CNBD1: variants seen among roughly 807,000 people sequenced by gnomAD.
CNBD1 encodes the protein cyclic nucleotide-binding domain-containing protein 1.
Under a neutral mutation model 54.4 loss-of-function variants are expected in CNBD1, and 71 were observed. The observed-to-expected ratio is 1.30, with a 90% confidence interval of 1.08 to 1.59. CNBD1 has a LOEUF of 1.59. Ranked by LOEUF, CNBD1 falls within the 40% of genes most tolerant of loss-of-function variation. The pLI, the probability that CNBD1 is intolerant of heterozygous loss-of-function variation, is 0.00. For synonymous variants in CNBD1, 182 were observed against 170.7 expected, an observed-to-expected ratio of 1.07 and a Z score of -0.51; for missense variants, 659 against 518.0, an observed-to-expected ratio of 1.27 and a Z score of -2.64.
chr8:87,074,842 G>C (rs974888934), intron 4 of CNBD1, among the ~76,000 whole-genome samples: 2 of 152,198 alleles, frequency 1.3e-5, no homozygotes, highest in African/African-American at 4.8e-5. Flanking sequence ...CTCTCCATGA[G>C]TGCCACAGAC....
chr8:87,222,700 C>A (rs1409908326), intron 5 of CNBD1, among the ~76,000 whole-genome samples: 1 of 152,180 alleles, frequency 6.6e-6, no homozygotes, highest in South Asian at 2.1e-4. Flanking sequence ...GATTCACAAT[C>A]ATGTTTGCTT....
intron 6 of CNBD1, among the ~76,000 whole-genome samples, chr8:87,283,391 A>T (rs1336220900): frequency 1.3e-5 from 2 of 151,768 alleles, no homozygotes; most frequent in East Asian, 3.9e-4. Context: ...TGTGGCTTGT[A>T]ATTTTTTTTA....
chr8:87,415,754 G>A lies in CNBD1; in HGVS notation c.214-12792G>A, dbSNP rs137878734. ...CTTTCATAAAGGACTATGTTATTTA[G>A]ATAAACCTCCTGCTTAAAAAGCTGT... On this transcript the variant is annotated intron_variant, in intron 2 of 7. Coordinates refer to the CNBD1 transcript ENST00000521593. Among the ~76,000 whole-genome samples the A allele has an allele frequency of 6.9e-3, 1,045 of 151,362 alleles. 11 individuals are homozygous for A. The highest frequency in any genetic ancestry group is 0.024 in the African/African-American group (983 of 41,264).
Position 87,382,601 on chromosome 8 carries a change from G to GT in CNBD1, c.1304-16dup. On this transcript the variant is annotated intron_variant, in intron 10 of 10. Coordinates refer to ENST00000518476, the MANE Select transcript of CNBD1 (RefSeq NM_173538.3). Reference sequence around the variant, plus strand: ...GTATTTATTATGTAACTTCTTGTTTGTTTGTTTGCCTTTTGCAGTGGCCTA... The same window carrying GT: ...GTATTTATTATGTAACTTCTTGTTTGTTTTGTTTGCCTTTTGCAGTGGCCTA... 1 of 1,535,296 alleles carries GT rather than the reference G, an allele frequency of 6.5e-7. No individual in the cohort carries two copies. The highest frequency in any genetic ancestry group is 8.8e-7 in the Non-Finnish European group (1 of 1,134,062).
chr8:87,319,946 C>G (rs944917047), intron 8 of CNBD1, among the ~76,000 whole-genome samples: 2 of 151,992 alleles, frequency 1.3e-5, no homozygotes, highest in Non-Finnish European at 2.9e-5. Context: ...CTTTTCCCGT[C>G]TCTTTTTGAG....
intron 4 of CNBD1, among the ~76,000 whole-genome samples, chr8:87,152,209 G>C (rs1384836191): frequency 1.3e-5 from 2 of 152,028 alleles, no homozygotes; most frequent in African/African-American, 4.8e-5. Context: ...GTTGACTATG[G>C]TATTGATGGA....
At chr8:87,014,127 T>C (rs762303685) in intron 4 of CNBD1, among the ~76,000 whole-genome samples, 1 of 151,744 alleles carries the variant, frequency 6.6e-6, no homozygotes, top group Non-Finnish European at 1.5e-5. Context: ...AAAAAAGCAC[T>C]CAAATCAAAT....
rs370660033 is a variant in CNBD1, at chr8:87,233,632, T to TTC, written c.578-3272_578-3271dup. 2.9e-4 allele frequency among the ~76,000 whole-genome samples: 44 copies of TTC among 151,490 alleles called. 1 individual carries two copies. Among genetic ancestry groups the TTC allele is most frequent in the African/African-American group, 8.9e-4 (37 of 41,344 alleles). ...TGAAGATATGGGTGGTTGCAGCAAA[T>TTC]TCTCTCTCTCTCTCTCCTTTTAGAG... On this transcript the variant is annotated intron_variant, in intron 5 of 10. Coordinates refer to ENST00000518476, the MANE Select transcript of CNBD1 (RefSeq NM_173538.3).
At chr8:87,407,303 G>T (rs1418953672) in intron 2 of CNBD1, among the ~76,000 whole-genome samples, 1 of 151,834 alleles carries the variant, frequency 6.6e-6, no homozygotes. Flanking sequence ...CCACTTTTGT[G>T]TTTTCAAGAT....
At chr8:87,027,919 C>G (rs979310995) in intron 4 of CNBD1, among the ~76,000 whole-genome samples, 3 of 152,114 alleles carry the variant, frequency 2.0e-5, no homozygotes, top group Non-Finnish European at 2.9e-5. Context: ...GGTATGCTTC[C>G]TCTCTCTCTC....
chr8:87,091,139 CAAA>C (rs751329879), intron 4 of CNBD1, among the ~76,000 whole-genome samples: 5 of 74,038 alleles, frequency 6.8e-5, no homozygotes, highest in African/African-American at 9.9e-5. Flanking sequence ...GACTCTGTCT[CAAA>C]AAAAAAAAAA....
At chr8:87,313,739 A>G (rs1383534776) in intron 8 of CNBD1, among the ~76,000 whole-genome samples, 2 of 151,854 alleles carry the variant, frequency 1.3e-5, no homozygotes, top group Non-Finnish European at 2.9e-5. Flanking sequence ...TTTTACAATT[A>G]CTTGTTCTTA....
intron 4 of CNBD1, among the ~76,000 whole-genome samples, chr8:87,190,010 A>T (rs1447943808): frequency 6.6e-6 from 1 of 152,232 alleles, no homozygotes; most frequent in Non-Finnish European, 1.5e-5. Flanking sequence ...TCACATTTTT[A>T]ACAGTTTTAA....
intron 4 of CNBD1, among the ~76,000 whole-genome samples, chr8:87,204,347 G>C (rs899268006): frequency 3.9e-5 from 6 of 152,068 alleles, no homozygotes; most frequent in Non-Finnish European, 8.8e-5. Context: ...GCTACTTTAA[G>C]GCCTTCTGAA....
chr8:87,184,492 C>T (rs1245041740), intron 4 of CNBD1, among the ~76,000 whole-genome samples: 1 of 152,200 alleles, frequency 6.6e-6, no homozygotes, highest in African/African-American at 2.4e-5. Flanking sequence ...GCCAAACCCT[C>T]TGGGCTTCAT....
In CNBD1 at chr8:86,979,415, AAAAAAAAAAAAAAG is replaced by A. The variant is rs1304995991; in HGVS notation, c.431+39662_431+39675del. On this transcript the variant is annotated intron_variant, in intron 4 of 10. Transcript: ENST00000518476. Reference sequence around the variant, plus strand: ...AAATCATCTCTACAAAAAAAAAAAAAAAAAAAAAAAAAAGGCAAAAACAATTTAGCCTGCCATGG... The same window carrying A: ...AAATCATCTCTACAAAAAAAAAAAAAGCAAAAACAATTTAGCCTGCCATGG... Among the ~76,000 whole-genome samples the A allele has an allele frequency of 4.1e-3, 609 of 146,818 alleles. 20 individuals carry two copies. The highest frequency in any genetic ancestry group is 0.015 in the African/African-American group (584 of 40,156).
At chr8:87,363,430 T>C (rs1373669797) in intron 10 of CNBD1, among the ~76,000 whole-genome samples, 1 of 152,148 alleles carries the variant, frequency 6.6e-6, no homozygotes, top group African/African-American at 2.4e-5. Context: ...CACACTGTCT[T>C]CCACAATGGT....
intron 4 of CNBD1, among the ~76,000 whole-genome samples, chr8:87,025,714 A>G (rs1477042510): frequency 6.6e-6 from 1 of 152,214 alleles, no homozygotes; most frequent in Non-Finnish European, 1.5e-5. Flanking sequence ...TAAGAGCTGT[A>G]ACACTCACTG....
chr8:87,345,117 T>C (rs1810143610), intron 8 of CNBD1, among the ~76,000 whole-genome samples: 1 of 152,202 alleles, frequency 6.6e-6, no homozygotes, highest in African/African-American at 2.4e-5. Flanking sequence ...ATTTAACTAC[T>C]TCAGCTAAAA....
Sources: allele counts gnomAD v4.1 joint callset (sites outside exome capture counted in the v4.1 genomes callset), GRCh38; gene constraint gnomAD v4.1.1; transcripts MANE v1.5; gene names NCBI Gene and HGNC (gene_info 2026-07-23, HGNC 2026-07-21).